The following WWOX variants were observed in gnomAD, a reference collection of about 807,000 sequenced individuals.
WWOX encodes WW domain containing oxidoreductase, also known as WW domain-containing oxidoreductase.
Under a neutral mutation model 46.2 loss-of-function variants are expected in WWOX, and 69 were observed. The observed-to-expected ratio is 1.49, with a 90% CI of 1.23 to 1.82. WWOX has a LOEUF of 1.82. Ranked by LOEUF, WWOX falls within the 40% of genes most tolerant of loss-of-function variation. WWOX has a pLI of 0.00. For missense variants in WWOX, 919 were observed against 542.6 expected (o/e 1.69, Z -6.89); for synonymous variants, 359 against 202.6 (o/e 1.77, Z -6.56).
At chr16:78,225,142 C>T (rs1481145541) in intron 5 of WWOX, among the ~76,000 whole-genome samples, 3 of 152,136 alleles carry the variant, frequency 2.0e-5, no homozygotes, top group Non-Finnish European at 4.4e-5. Flanking sequence ...GATGGATAGC[C>T]TACTACACAT....
Position 78,356,552 on chromosome 16 carries a change from G to T in WWOX, c.517-30308G>T, listed in dbSNP as rs193023627. On this transcript the variant is annotated intron_variant, in intron 5 of 8. Coordinates refer to ENST00000566780, the MANE Select transcript of WWOX (RefSeq NM_016373.4). ...GTGGAGAGGTAGGTGCAGGGCAGTGGGACAGAGAGGTGCACTTTGAAAGAC... is the reference window on the plus strand; with the variant it reads ...GTGGAGAGGTAGGTGCAGGGCAGTGTGACAGAGAGGTGCACTTTGAAAGAC... 4.8e-3 allele frequency among the ~76,000 whole-genome samples: 725 copies of T among 152,212 alleles called. 7 individuals carry two copies. Among genetic ancestry groups the T allele is most frequent in the African/African-American group, 0.017 (690 of 41,542 alleles).
At chr16:78,904,263 G>C (rs960761290) in intron 8 of WWOX, among the ~76,000 whole-genome samples, 2 of 136,848 alleles carry the variant, frequency 1.5e-5, no homozygotes, top group African/African-American at 2.8e-5. Flanking sequence ...TTTTTTAGTC[G>C]GAGTCTCACT....
intron 8 of WWOX, among the ~76,000 whole-genome samples, chr16:78,843,664 T>TGTA (rs879329446): frequency 2.3e-5 from 3 of 132,706 alleles, no homozygotes; most frequent in East Asian, 2.1e-4. Flanking sequence ...AGCAAAATAA[T>TGTA]TCATTCCCTC....
At chr16:78,746,278 G>A (rs2049345289) in intron 8 of WWOX, among the ~76,000 whole-genome samples, 1 of 152,122 alleles carries the variant, frequency 6.6e-6, no homozygotes, top group Non-Finnish European at 1.5e-5. Flanking sequence ...CAGGAGGATT[G>A]CTTGAGGCCA....
intron 8 of WWOX, among the ~76,000 whole-genome samples, chr16:78,626,975 G>C (rs1373909609): frequency 6.6e-6 from 1 of 152,082 alleles, no homozygotes; most frequent in Non-Finnish European, 1.5e-5. Context: ...TCATGGTGTG[G>C]TGTGTTTTTA....
At chr16:78,382,044 T>TA (rs1444940943) in intron 5 of WWOX, among the ~76,000 whole-genome samples, 3 of 152,200 alleles carry the variant, frequency 2.0e-5, no homozygotes, top group Admixed American at 2.0e-4. Context: ...GATGCTTTTT[T>TA]ATATGGCCCA....
chr16:78,617,520 G>A (rs2046056582), intron 8 of WWOX, among the ~76,000 whole-genome samples: 1 of 152,140 alleles, frequency 6.6e-6, no homozygotes, highest in Non-Finnish European at 1.5e-5. Flanking sequence ...CACAAGTGGT[G>A]GACTTAAGAA....
chr16:78,943,262 G>C (rs2045886639), intron 8 of WWOX, among the ~76,000 whole-genome samples: 1 of 152,090 alleles, frequency 6.6e-6, no homozygotes, highest in Non-Finnish European at 1.5e-5. Context: ...GGAGGCAGGC[G>C]TTATTGTGCC....
chr16:78,493,842 T>C (rs537447677), intron 8 of WWOX, among the ~76,000 whole-genome samples: 1 of 152,330 alleles, frequency 6.6e-6, no homozygotes, highest in African/African-American at 2.4e-5. Context: ...ACCCACTGCA[T>C]GATGTCTGAT....
At chr16:78,398,399 T>C (rs1021766119) in intron 6 of WWOX, among the ~76,000 whole-genome samples, 3 of 152,198 alleles carry the variant, frequency 2.0e-5, no homozygotes, top group Non-Finnish European at 2.9e-5. Flanking sequence ...ATGTCAGTTA[T>C]GTAAGCATAG....
intron 8 of WWOX, among the ~76,000 whole-genome samples, chr16:79,161,920 G>C (rs889497662): frequency 1.3e-5 from 2 of 152,122 alleles, no homozygotes; most frequent in African/African-American, 4.8e-5. Flanking sequence ...TTCCCTCCCA[G>C]GCCTTGGAAA....
chr16:78,200,313 T>G (rs371410720), intron 5 of WWOX, among the ~76,000 whole-genome samples: 1 of 151,042 alleles, frequency 6.6e-6, no homozygotes, highest in South Asian at 2.1e-4. Context: ...TTCCCCCTGC[T>G]GACAGTTCTT....
chr16:78,777,723 C>T lies in WWOX; in HGVS notation c.1056+344971C>T, dbSNP rs377740847. Among the ~76,000 whole-genome samples, 5 of 152,230 alleles carry T rather than the reference C, an allele frequency of 3.3e-5. 1 individual carries two copies. Among genetic ancestry groups the T allele is most frequent in the African/African-American group, 1.2e-4 (5 of 41,524 alleles). ...TCATTTTATAAGTACCTATTATGTG[C>T]CAGATACTAGGATAGGCACTTTGCA... On this transcript the variant is annotated intron_variant, in intron 8 of 8. Coordinates refer to ENST00000566780, the MANE Select transcript of WWOX (RefSeq NM_016373.4).
intron 5 of WWOX, among the ~76,000 whole-genome samples, chr16:78,264,181 G>A (rs2079312221): frequency 6.6e-6 from 1 of 151,738 alleles, no homozygotes; most frequent in Non-Finnish European, 1.5e-5. Context: ...GAGGGCCCCA[G>A]GGACCCACTT....
intron 5 of WWOX, among the ~76,000 whole-genome samples, chr16:78,368,576 G>C (rs72796017): frequency 0.053 from 8,098 of 152,248 alleles, 282 homozygotes; most frequent in East Asian, 0.12. Context: ...GGAAGCTGCT[G>C]TTCATAAATA....
rs373131994 is a variant in WWOX at position 78,466,975 on chromosome 16, C to A, written c.1056+34223C>A. On this transcript the variant is annotated intron_variant, in intron 8 of 8. Coordinates refer to ENST00000566780, the MANE Select transcript of WWOX (RefSeq NM_016373.4). The stretch of plus-strand genomic sequence containing the variant: ...AGTAAACAGATCTTAGAGAGGGACA[C>A]CGATCCCTACCCTGCATGGGGTTAT... Among the ~76,000 whole-genome samples, 6 of 152,148 alleles carry A rather than the reference C, an allele frequency of 3.9e-5. No individual in the cohort carries two copies. In the East Asian group the frequency reaches 7.7e-4, roughly 20 times the overall value.
At chr16:79,051,739 C>T (rs1044621936) in intron 8 of WWOX, among the ~76,000 whole-genome samples, 7 of 152,240 alleles carry the variant, frequency 4.6e-5, no homozygotes, top group African/African-American at 1.4e-4. Context: ...TCCTCCCCAT[C>T]TAATTAGGAA....
chr16:79,132,113 C>T (rs1243666775), intron 8 of WWOX, among the ~76,000 whole-genome samples: 1 of 147,700 alleles, frequency 6.8e-6, no homozygotes, highest in South Asian at 2.2e-4. Flanking sequence ...ACTCTCCCAC[C>T]CAACACTTGC....
chr16:78,275,030 C>T (rs1484050005), intron 5 of WWOX, among the ~76,000 whole-genome samples: 2 of 152,192 alleles, frequency 1.3e-5, no homozygotes, highest in Admixed American at 6.5e-5. Flanking sequence ...GTTCAGCAAG[C>T]ACTGAGCTCC....
Sources: allele counts gnomAD v4.1 joint callset (sites outside exome capture counted in the v4.1 genomes callset), GRCh38; gene constraint gnomAD v4.1.1; transcripts MANE v1.5; gene names NCBI Gene and HGNC (gene_info 2026-07-23, HGNC 2026-07-21).